The following STPG4 variants were observed in gnomAD, a reference collection of about 807,000 sequenced individuals.
The protein encoded by STPG4 is protein STPG4.
In STPG4, 41 loss-of-function variants were observed where a neutral mutation model predicts 31.5. The ratio of observed to expected loss-of-function variants is 1.30; its 90% CI spans 1.01 to 1.69. The LOEUF (loss-of-function observed/expected upper bound fraction) is 1.69. Among genes scored for constraint, STPG4 ranks in the 40% most tolerant of loss-of-function variants. The probability of loss-of-function intolerance (pLI) is 0.00; values close to 1 mark genes in which losing one functional copy is unlikely to be tolerated. For missense variants in STPG4, 375 were observed against 293.4 expected (o/e 1.28, Z -2.03); for synonymous variants, 141 against 103.0 (o/e 1.37, Z -2.24).
At chr2:47,118,112 G>C (rs576458158) in intron 5 of STPG4, among the ~76,000 whole-genome samples, 4 of 152,014 alleles carry the variant, frequency 2.6e-5, no homozygotes, top group East Asian at 1.9e-4. Flanking sequence ...AGTTGCTTAC[G>C]TCAGGGTCCC....
At chr2:47,125,023 G>A (rs1291832145) in intron 5 of STPG4, among the ~76,000 whole-genome samples, 2 of 152,156 alleles carry the variant, frequency 1.3e-5, no homozygotes, top group Admixed American at 6.5e-5. Flanking sequence ...GATGATTAAC[G>A]ATGTTGAGCA....
At chr2:47,117,605 C>G (rs1252606098) in intron 5 of STPG4, among the ~76,000 whole-genome samples, 1 of 152,206 alleles carries the variant, frequency 6.6e-6, no homozygotes, top group Non-Finnish European at 1.5e-5. Flanking sequence ...GAATCACAGA[C>G]TCTCATTTAA....
chr2:47,105,911 T>C (rs903733762), intron 5 of STPG4, among the ~76,000 whole-genome samples: 5 of 152,000 alleles, frequency 3.3e-5, no homozygotes, highest in African/African-American at 7.3e-5. Context: ...AAGGAAATTA[T>C]AGAGTTATTG....
chr2:47,130,425 A>T (rs59073987), intron 3 of STPG4, among the ~76,000 whole-genome samples, 165 bp from the exon 4 acceptor site: 86,852 of 152,186 alleles, frequency 0.57, 25,837 homozygotes, highest in East Asian at 0.75. Context: ...GTGGAGCTTC[A>T]AAACATTTAA....
intron 5 of STPG4, chr2:47,129,348 T>TTGCCCAG (rs1686426460): frequency 6.5e-6 from 1 of 153,246 alleles, no homozygotes; most frequent in Non-Finnish European, 1.5e-5. Context: ...GCAGAGCACC[T>TTGCCCAG]GAACTTGCCC....
chr2:47,092,402 C>T (rs1450797492), intron 5 of STPG4, among the ~76,000 whole-genome samples: 1 of 150,794 alleles, frequency 6.6e-6, no homozygotes, highest in Admixed American at 6.6e-5. Flanking sequence ...GGGGTGTGTT[C>T]CTGTGGTCCC....
intron 5 of STPG4, chr2:47,128,728 G>A (rs1434543998): frequency 6.6e-6 from 1 of 152,202 alleles, no homozygotes; most frequent in East Asian, 1.9e-4. Context: ...ATGACATCCA[G>A]GAGCCAATGC....
At chr2:47,090,678 C>T (rs1382339330) in intron 5 of STPG4, among the ~76,000 whole-genome samples, 1 of 152,218 alleles carries the variant, frequency 6.6e-6, no homozygotes, top group Non-Finnish European at 1.5e-5. Flanking sequence ...ACACTCAGGT[C>T]CCCCGTTCCC....
intron 5 of STPG4, among the ~76,000 whole-genome samples, chr2:47,123,827 G>A (rs1686317830): frequency 6.6e-6 from 1 of 151,900 alleles, no homozygotes. Context: ...CCACATAGTA[G>A]GTATATATAT....
At chr2:47,149,122 T>C (rs1237972614) in intron 3 of STPG4, among the ~76,000 whole-genome samples, 3 of 152,170 alleles carry the variant, frequency 2.0e-5, no homozygotes, top group South Asian at 2.1e-4. Context: ...ATCTTTGAAA[T>C]AGAAAATTAG....
chr2:47,100,791 A>G (rs1394444539), intron 5 of STPG4, among the ~76,000 whole-genome samples: 1 of 151,258 alleles, frequency 6.6e-6, no homozygotes, highest in Non-Finnish European at 1.5e-5. Flanking sequence ...TCACCACGAA[A>G]GTCTGCAGCT....
Position 47,155,227 on chromosome 2 carries a change from C to T in STPG4, c.25G>A (p.Ala9Thr), listed in dbSNP as rs1687008336. Reference protein sequence around the residue: MDQPAVATASTSIREDLVG... With the variant: MDQPAVATTSTSIREDLVG... ...AGGTCTTCCCTTATTGAGGTGGAAG[C>T]GGTGGCGACGGCTGGCTGGTCCATG... The change falls in exon 1 of 7, where the codon GCT (alanine) becomes ACT (threonine). Residue 9 changes from alanine to threonine, a missense_variant. Physicochemically the swap from Ala to Thr is moderately conservative, Grantham distance 58. Coordinates refer to ENST00000445927, the MANE Select transcript of STPG4 (RefSeq NM_001163561.2). 6.2e-7 allele frequency: 1 copy of T among 1,614,126 alleles called. No individual in the cohort carries two copies. Among genetic ancestry groups the T allele is most frequent in the Non-Finnish European group, 8.5e-7 (1 of 1,180,018 alleles).
chr2:47,153,947 C>A (rs1215993180), intron 1 of STPG4, among the ~76,000 whole-genome samples: 1 of 152,180 alleles, frequency 6.6e-6, no homozygotes, highest in East Asian at 1.9e-4. Flanking sequence ...GTACTCTATA[C>A]CCATTCATCC....
intron 5 of STPG4, among the ~76,000 whole-genome samples, chr2:47,126,275 TTCTCCTC>T (rs1686363595): frequency 6.6e-6 from 1 of 151,954 alleles, no homozygotes; most frequent in African/African-American, 2.4e-5. Flanking sequence ...TTTCTCTTCT[TTCTCCTC>T]TTCCTCCTCT....
intron 5 of STPG4, among the ~76,000 whole-genome samples, chr2:47,109,450 G>A (rs181706397): frequency 4.0e-4 from 61 of 152,046 alleles, no homozygotes; most frequent in Middle Eastern, 3.4e-3. Flanking sequence ...CCAGCTACTG[G>A]GGAAGCTGAG....
chr2:47,091,497 T>C (rs1055635932), intron 5 of STPG4, among the ~76,000 whole-genome samples: 4 of 152,190 alleles, frequency 2.6e-5, no homozygotes, highest in South Asian at 4.1e-4. Context: ...ATTCGCTTTT[T>C]TCCCCCCTCC....
intron 5 of STPG4, among the ~76,000 whole-genome samples, chr2:47,100,429 A>G (rs1200312410): frequency 4.0e-5 from 6 of 148,940 alleles, no homozygotes; most frequent in African/African-American, 7.5e-5. Flanking sequence ...GACTTAGAGA[A>G]CCTTTATGTC....
At chr2:47,098,934 G>A (rs569894385) in intron 5 of STPG4, among the ~76,000 whole-genome samples, 2 of 152,264 alleles carry the variant, frequency 1.3e-5, no homozygotes, top group African/African-American at 2.4e-5. Context: ...AGACAAGGGG[G>A]TCATATACGC....
chr2:47,088,073 G>A (rs1279401680), intron 6 of STPG4, among the ~76,000 whole-genome samples: 1 of 151,708 alleles, frequency 6.6e-6, no homozygotes, highest in Non-Finnish European at 1.5e-5. Context: ...GTTTTTGTTT[G>A]TTTGTTTGTT....
Sources: gnomAD v4.1 joint callset for allele counts (sites outside exome capture counted in the v4.1 genomes callset) on GRCh38, gnomAD v4.1.1 for gene constraint, MANE v1.5 for transcripts, NCBI Gene and HGNC (gene_info 2026-07-23, HGNC 2026-07-21) for gene names.